Variants in ANKRD28 observed in about 807,000 individuals in gnomAD.
The protein encoded by ANKRD28 is ankyrin repeat domain 28, also known as serine/threonine-protein phosphatase 6 regulatory ankyrin repeat subunit A.
Under a neutral mutation model 126.5 loss-of-function variants are expected in ANKRD28, and 44 were observed. The observed-to-expected ratio is 0.35, with a 90% CI of 0.27 to 0.45. ANKRD28 has a LOEUF of 0.45. Ranked by LOEUF, ANKRD28 falls within the 20% of genes least tolerant of loss-of-function variation. The pLI is 1.00. For synonymous variants in ANKRD28, 442 were observed against 468.5 expected, an observed-to-expected ratio of 0.94 and a Z score of 0.73; for missense variants, 1,110 against 1,316.6, an observed-to-expected ratio of 0.84 and a Z score of 2.43.
At chr3:15,752,624 A>T (rs2057926079) in intron 3 of ANKRD28, among the ~76,000 whole-genome samples, 1 of 152,230 alleles carries the variant, frequency 6.6e-6, no homozygotes. Context: ...TGGTTCTTGG[A>T]AGTATAGAAC....
intron 14 of ANKRD28, among the ~76,000 whole-genome samples, chr3:15,702,637 T>C (rs2070779378): frequency 6.6e-6 from 1 of 152,220 alleles, no homozygotes; most frequent in Admixed American, 6.5e-5. Context: ...CTACCACTCA[T>C]GAACCCTACT....
intron 18 of ANKRD28, among the ~76,000 whole-genome samples, chr3:15,688,922 A>G (rs2068462782): frequency 6.6e-6 from 1 of 152,250 alleles, no homozygotes; most frequent in South Asian, 2.1e-4. Flanking sequence ...AACGTGTATC[A>G]CTTGTTAAAT....
chr3:15,686,409 T>A, intron 18 of ANKRD28, 100 bp from the exon 19 acceptor site: 1 of 924,842 alleles, frequency 1.1e-6, no homozygotes, highest in East Asian at 2.6e-5. Context: ...TTTGGGATAG[T>A]TGCACTGAAT....
chr3:15,728,728 A>G (rs899763964), intron 6 of ANKRD28, among the ~76,000 whole-genome samples: 6 of 152,208 alleles, frequency 3.9e-5, no homozygotes, highest in Admixed American at 3.9e-4. Flanking sequence ...AATCGTTTCA[A>G]TCTGGGGGTT....
At chr3:15,675,528 A>C (rs773601997) in intron 27 of ANKRD28, among the ~76,000 whole-genome samples, 2 of 152,232 alleles carry the variant, frequency 1.3e-5, no homozygotes, top group African/African-American at 4.8e-5. Flanking sequence ...TGAAGTAGGC[A>C]AAAGGGGACA....
intron 2 of ANKRD28, among the ~76,000 whole-genome samples, chr3:15,789,943 C>T (rs1036731391): frequency 2.0e-5 from 3 of 151,982 alleles, no homozygotes; most frequent in African/African-American, 7.2e-5. Context: ...ACAACTTACA[C>T]AGAAATTACG....
At chr3:15,757,516 C>A (rs1173053257) in intron 3 of ANKRD28, among the ~76,000 whole-genome samples, 3 of 152,172 alleles carry the variant, frequency 2.0e-5, no homozygotes, top group African/African-American at 7.2e-5. Context: ...AAAATCCCAA[C>A]CCCAATGTCA....
chr3:15,765,058 T>G (rs116213976), intron 3 of ANKRD28, among the ~76,000 whole-genome samples: 1,700 of 152,312 alleles, frequency 0.011, 27 homozygotes, highest in African/African-American at 0.039. Context: ...ATCAAAGGAA[T>G]ACTACTACTA....
intron 5 of ANKRD28, 34 bp from the exon 6 acceptor site, chr3:15,735,531 T>C (rs925375206): frequency 1.1e-5 from 16 of 1,462,454 alleles, no homozygotes; most frequent in Non-Finnish European, 1.4e-5. Context: ...TCATCAAAAT[T>C]GTGAAGCACA....
At chr3:15,761,831 A>C (rs1292166864) in intron 3 of ANKRD28, among the ~76,000 whole-genome samples, 2 of 152,152 alleles carry the variant, frequency 1.3e-5, no homozygotes, top group Non-Finnish European at 2.9e-5. Context: ...AACATGAATG[A>C]ACTGAAGAAA....
intron 3 of ANKRD28, among the ~76,000 whole-genome samples, chr3:15,762,209 A>AAAAAC (rs2058509280): frequency 2.3e-4 from 10 of 43,680 alleles, no homozygotes; most frequent in Admixed American, 9.6e-4. Flanking sequence ...AAAAAAAAAA[A>AAAAAC]AAAACAAAAC....
At chr3:15,724,303 C>A in intron 7 of ANKRD28, 79 bp downstream of exon 7, 1 of 1,242,198 alleles carries the variant, frequency 8.1e-7, no homozygotes, top group Non-Finnish European at 1.1e-6. Context: ...ATTTCTTAAA[C>A]CTGAAATAAC....
At chr3:15,784,150 T>A (rs964689887) in intron 2 of ANKRD28, among the ~76,000 whole-genome samples, 3 of 152,006 alleles carry the variant, frequency 2.0e-5, no homozygotes, top group Admixed American at 2.0e-4. Context: ...TCAGCTGAAC[T>A]TCTCTCTCAG....
rs1314081747 is a variant in ANKRD28, at chr3:15,743,702, G to A, written c.352-6469C>T. Reference sequence around the variant, plus strand: ...TATATGCTACTCTTAAAGAATGACAGTCATAAATCATAGTAGTAGAGACAG... The same window carrying A: ...TATATGCTACTCTTAAAGAATGACAATCATAAATCATAGTAGTAGAGACAG... On this transcript the variant is annotated intron_variant, in intron 4 of 27. Transcript: ENST00000683139. Among the ~76,000 whole-genome samples the A allele has an allele frequency of 2.6e-5, 4 of 152,128 alleles. No individual in the cohort carries two copies. In the East Asian group the frequency reaches 5.8e-4, roughly 22 times the overall value.
chr3:15,807,898 C>T (rs1559561257), intron 1 of ANKRD28, among the ~76,000 whole-genome samples: 1 of 152,184 alleles, frequency 6.6e-6, no homozygotes, highest in Non-Finnish European at 1.5e-5. Flanking sequence ...AGTCTGAAGG[C>T]ATAATAAGGT....
At chr3:15,761,498 A>G (rs2058455323) in intron 3 of ANKRD28, among the ~76,000 whole-genome samples, 2 of 152,178 alleles carry the variant, frequency 1.3e-5, no homozygotes, top group African/African-American at 4.8e-5. Flanking sequence ...GGGTTATAGA[A>G]ATCAGTCAGT....
chr3:15,859,024 C>T (rs1353358330), intron 1 of ANKRD28, among the ~76,000 whole-genome samples: 1 of 152,236 alleles, frequency 6.6e-6, no homozygotes, highest in Non-Finnish European at 1.5e-5. Context: ...AGTACCGCTC[C>T]CGCCCGGCAG....
rs397963167 is a variant in ANKRD28, at chr3:15,837,099, C to CAA, written c.27+22276_27+22277dup. Among the ~76,000 whole-genome samples the CAA allele has an allele frequency of 6.6e-3, 720 of 108,324 alleles. 3 individuals carry two copies. The highest frequency in any genetic ancestry group is 0.019 in the South Asian group (59 of 3,176). 71.1% of individuals were successfully genotyped at this position (108,324 alleles called of 152,430 possible). A position where few individuals can be genotyped will look rare whatever the true frequency, so the allele number is the denominator to read the frequency against. ...TGGGCAACAGAGCAAGACTCCGTCT[C>CAA]AAAAAAAAAAAAAAAACCATAAAAA... On this transcript the variant is annotated intron_variant, in intron 1 of 27. Transcript: ENST00000399451.
At chr3:15,798,018 A>C, upstream of ANKRD28, 3 of 985,398 alleles carry the variant, frequency 3.0e-6, no homozygotes, top group Non-Finnish European at 3.6e-6. Flanking sequence ...TAGCAGGAGA[A>C]AAAAATAGTG....
Sources: allele counts gnomAD v4.1 joint callset (sites outside exome capture counted in the v4.1 genomes callset), GRCh38; gene constraint gnomAD v4.1.1; transcripts MANE v1.5; gene names NCBI Gene and HGNC (gene_info 2026-07-23, HGNC 2026-07-21).